Variants in HTR2C observed in about 807,000 individuals in gnomAD.
HTR2C encodes the protein 5-hydroxytryptamine receptor 2C.
In HTR2C, 5 loss-of-function variants were observed where a neutral mutation model predicts 21.0. The observed-to-expected ratio is 0.24, with a 90% CI of 0.12 to 0.50. HTR2C has a LOEUF of 0.50. Among genes scored for constraint, HTR2C ranks in the 20% least tolerant of loss-of-function variants. HTR2C has a pLI of 0.98. For synonymous variants in HTR2C, 150 were observed against 145.3 expected (o/e 1.03, Z -0.23); for missense variants, 271 against 371.2 (o/e 0.73, Z 2.22).
intron 4 of HTR2C, among the ~76,000 whole-genome samples, chrX:114,754,688 AAC>A (rs1298917512): frequency 9.0e-6 from 1 of 111,510 alleles, no homozygotes; most frequent in African/African-American, 3.3e-5. Flanking sequence ...AGAAAAAAAA[AAC>A]ACAAAATTTT....
At chrX:114,690,295 AT>A (rs1932068434) in intron 2 of HTR2C, among the ~76,000 whole-genome samples, 2 of 111,878 alleles carry the variant, frequency 1.8e-5, no homozygotes, top group African/African-American at 6.5e-5. Flanking sequence ...AGAATTAAAT[AT>A]GCTAACATGC....
In HTR2C at chrX:114,906,789, G is replaced by T. The variant is rs782100644; in HGVS notation, c.751G>T (p.Gly251Cys). 5.8e-6 allele frequency: 7 copies of T among 1,210,838 alleles called. No individual in the cohort carries two copies. Among genetic ancestry groups the T allele is most frequent in the Non-Finnish European group, 7.8e-6 (7 of 895,231 alleles). ...CCGACAAGCTTTGATGTTACTGCAC[G>T]GCCACACCGAGGAACCGCCTGGACT... ...LRRQALMLLHGHTEEPPGLSL... is the reference protein window; with the variant it reads ...LRRQALMLLHCHTEEPPGLSL... The change falls in exon 6 of 6, where the codon GGC (glycine) becomes TGC (cysteine). Residue 251 changes from glycine (G) to cysteine (C), a missense_variant. Around this residue, in one of 5 missense-constraint regions of HTR2C, gnomAD observed 192 missense variants for 247.2 expected, o/e 0.78. Coordinates refer to ENST00000276198, the MANE Select transcript of HTR2C (RefSeq NM_000868.4).
At chrX:114,769,153 C>T (rs1054775806) in intron 4 of HTR2C, among the ~76,000 whole-genome samples, 1 of 111,360 alleles carries the variant, frequency 9.0e-6, no homozygotes, top group Non-Finnish European at 1.9e-5. Context: ...TACTTTCTTA[C>T]CTATTGCTAT....
chrX:114,748,453 A>G (rs192128010), intron 4 of HTR2C, among the ~76,000 whole-genome samples: 1 of 111,852 alleles, frequency 8.9e-6, no homozygotes, highest in East Asian at 2.8e-4. Flanking sequence ...ACAATAGCTG[A>G]AACAGTTTTG....
intron 5 of HTR2C, among the ~76,000 whole-genome samples, chrX:114,863,394 T>C (rs1247058868): frequency 2.7e-5 from 3 of 111,632 alleles, no homozygotes; most frequent in African/African-American, 9.7e-5. Flanking sequence ...TTTTGACCCA[T>C]TGGTTGTTCA....
intron 4 of HTR2C, among the ~76,000 whole-genome samples, chrX:114,774,479 A>G (rs979168008): frequency 2.0e-4 from 22 of 112,067 alleles, no homozygotes; most frequent in African/African-American, 6.5e-4. Context: ...TATTGTAGTT[A>G]CACCTTCAGG....
At chrX:114,739,682 T>C (rs1177045661) in intron 4 of HTR2C, among the ~76,000 whole-genome samples, 2 of 111,335 alleles carry the variant, frequency 1.8e-5, no homozygotes, top group African/African-American at 6.5e-5. Context: ...TCATAGAAAA[T>C]AGTTGCAAAA....
chrX:114,808,989 C>G (rs1224752460), intron 4 of HTR2C, among the ~76,000 whole-genome samples: 1 of 111,505 alleles, frequency 9.0e-6, no homozygotes, highest in Admixed American at 9.6e-5. Context: ...CTGCAATGAC[C>G]ACTGCCTGGC....
chrX:114,856,544 A>G (rs1556471086), intron 5 of HTR2C, among the ~76,000 whole-genome samples: 2 of 105,245 alleles, frequency 1.9e-5, no homozygotes, highest in Non-Finnish European at 3.9e-5. Context: ...ACAAAGCTGG[A>G]GGCATCACAC....
chrX:114,737,720 A>G (rs1556424741), intron 4 of HTR2C, among the ~76,000 whole-genome samples: 4 of 111,915 alleles, frequency 3.6e-5, no homozygotes, highest in Non-Finnish European at 5.6e-5. Flanking sequence ...TAGATAATTT[A>G]TCAGAGGAAT....
intron 4 of HTR2C, among the ~76,000 whole-genome samples, chrX:114,781,875 G>A (rs1406277202): frequency 9.2e-6 from 1 of 108,370 alleles, no homozygotes; most frequent in Non-Finnish European, 1.9e-5. Flanking sequence ...GGATTGAATA[G>A]GAACAGAGAA....
intron 2 of HTR2C, among the ~76,000 whole-genome samples, chrX:114,722,720 A>C (rs186683551): frequency 9.3e-6 from 1 of 107,511 alleles, no homozygotes; most frequent in African/African-American, 3.4e-5. Context: ...AGTTTTTAGC[A>C]TGAAGGATTG....
chrX:114,783,462 A>G (rs2070140391), intron 4 of HTR2C, among the ~76,000 whole-genome samples: 1 of 112,188 alleles, frequency 8.9e-6, no homozygotes, highest in African/African-American at 3.2e-5. Flanking sequence ...ATGCAATAGC[A>G]TGATTACCAA....
At chrX:114,590,818 T>C (rs1211110613) in intron 1 of HTR2C, among the ~76,000 whole-genome samples, 1 of 111,926 alleles carries the variant, frequency 8.9e-6, no homozygotes, top group Non-Finnish European at 1.9e-5. Context: ...TATATACATA[T>C]ATGAGAGAGA....
At chrX:114,811,391 A>G (rs1051117973) in intron 4 of HTR2C, among the ~76,000 whole-genome samples, 30 of 110,026 alleles carry the variant, frequency 2.7e-4, no homozygotes, top group African/African-American at 9.6e-4. Flanking sequence ...AAGTCTTCGT[A>G]TAACAAAAGA....
intron 2 of HTR2C, among the ~76,000 whole-genome samples, chrX:114,627,778 A>G (rs1353799111): frequency 8.9e-6 from 1 of 112,030 alleles, no homozygotes; most frequent in Non-Finnish European, 1.9e-5. Flanking sequence ...TTTCACAAGG[A>G]TATAGTAAAA....
At position 114,906,716 on chromosome X, in the gene HTR2C, G is replaced by A. The variant is rs1343017515; in HGVS notation, c.678G>A (p.Pro226=). The A allele has an allele frequency of 8.3e-7, 1 of 1,210,864 alleles. No homozygotes were observed. The highest frequency in any genetic ancestry group is 1.1e-6 in the Non-Finnish European group (1 of 895,066). The change falls in exon 6 of 6, where the codon CCG becomes CCA. Residue 226 remains proline, a synonymous_variant. Coordinates refer to ENST00000276198, the MANE Select transcript of HTR2C (RefSeq NM_000868.4). ...GGTCCTTCGTAGCTTTCTTCATACC[G>A]CTGACGATTATGGTGATTACGTATT... ...LIGSFVAFFI[P]LTIMVITYCL...
chrX:114,696,469 G>A (rs1236955102), intron 2 of HTR2C, among the ~76,000 whole-genome samples: 11 of 111,177 alleles, frequency 9.9e-5, no homozygotes, highest in South Asian at 7.8e-4. Context: ...TTAAAATCAC[G>A]AAATTAAGTG....
At chrX:114,756,238 ATTGCTG>A (rs1453727345) in intron 4 of HTR2C, among the ~76,000 whole-genome samples, 1 of 112,230 alleles carries the variant, frequency 8.9e-6, no homozygotes, top group Non-Finnish European at 1.9e-5. Flanking sequence ...TCACTCATAC[ATTGCTG>A]GTGGGAATGT....
Sources: allele counts gnomAD v4.1 joint callset (sites outside exome capture counted in the v4.1 genomes callset), GRCh38; gene constraint gnomAD v4.1.1; regional missense constraint gnomAD v4.1.1; transcripts MANE v1.5; gene names NCBI Gene and HGNC (gene_info 2026-07-23, HGNC 2026-07-21).